Variants in TYW1 observed in about 807,000 individuals in gnomAD.
TYW1 encodes tRNA-yW synthesizing protein 1 homolog, also known as S-adenosyl-L-methionine-dependent tRNA 4-demethylwyosine synthase TYW1.
A neutral mutation model predicts 96.2 loss-of-function variants in TYW1; 46 were observed. The ratio of observed to expected loss-of-function variants is 0.48; its 90% CI spans 0.38 to 0.61. TYW1 has a LOEUF of 0.61. TYW1 is among the 20% of genes least tolerant of loss of function. The probability of loss-of-function intolerance (pLI) is 0.00; values close to 1 mark genes in which losing one functional copy is unlikely to be tolerated. For missense variants in TYW1, 684 were observed against 909.6 expected, an observed-to-expected ratio of 0.75 and a Z score of 3.19; for synonymous variants, 274 against 323.0, an observed-to-expected ratio of 0.85 and a Z score of 1.63.
intron 13 of TYW1, among the ~76,000 whole-genome samples, chr7:67,150,941 A>G (rs969526144): frequency 6.6e-6 from 1 of 152,256 alleles, no homozygotes; most frequent in African/African-American, 2.4e-5. Context: ...TTTCTAACAC[A>G]TTAGTTACCT....
At chr7:67,020,601 C>CTGCTTTCATAAAAACTTCAT (rs1794218547) in intron 6 of TYW1, among the ~76,000 whole-genome samples, 1 of 17,226 alleles carries the variant, frequency 5.8e-5, no homozygotes, top group African/African-American at 1.2e-4. Flanking sequence ...TTTTTCATTG[C>CTGCTTTCATAAAAACTTCAT]TGCTGCTTTC....
At chr7:67,036,441 A>G (rs1438068395) in intron 7 of TYW1, among the ~76,000 whole-genome samples, 2 of 152,236 alleles carry the variant, frequency 1.3e-5, no homozygotes, top group Non-Finnish European at 2.9e-5. Flanking sequence ...TCCATAGTCC[A>G]TGAAACAAAA....
In TYW1 at chr7:67,086,699, G is replaced by A. The variant is rs142648468; in HGVS notation, c.1384+3160G>A. ...TTAAAGCCTTCAAATGATTGGATGA[G>A]GTCCATCCACATTATGACGGGCAAT... On this transcript the variant is annotated intron_variant, in intron 11 of 15. Transcript: ENST00000359626. Among the ~76,000 whole-genome samples, 569 of 152,182 alleles carry A rather than the reference G, an allele frequency of 3.7e-3. 2 individuals are homozygous for A. Among genetic ancestry groups the A allele is most frequent in the African/African-American group, 0.013 (543 of 41,504 alleles).
intron 13 of TYW1, among the ~76,000 whole-genome samples, chr7:67,148,671 T>C (rs997603233): frequency 1.3e-5 from 2 of 152,080 alleles, no homozygotes; most frequent in African/African-American, 4.8e-5. Flanking sequence ...GACCTCGTTA[T>C]CCGCCCACCT....
Position 66,998,157 on chromosome 7 carries a change from A to G in TYW1, c.97A>G (p.Ser33Gly), listed in dbSNP as rs1562958343. ...TTATTTGGGCTTTGCTGTTAGCATT[A>G]GCCTTTGGATTTGTGTCCAGATTGT... Reference protein sequence around the residue: ...YIYLGFAVSISLWICVQIVIK... With the variant: ...YIYLGFAVSIGLWICVQIVIK... The change falls in exon 2 of 16, where the codon AGC becomes GGC. Residue 33 changes from serine (S) to glycine (G), a missense_variant. Ser to Gly is a moderately conservative substitution (Grantham distance 56). Transcript: ENST00000359626. 6.2e-7 allele frequency: 1 copy of G among 1,612,088 alleles called. No homozygotes were observed. Among genetic ancestry groups the G allele is most frequent in the Admixed American group, 1.7e-5 (1 of 59,522 alleles).
At chr7:67,237,282 C>T (rs527260508) in intron 15 of TYW1, among the ~76,000 whole-genome samples, 12 of 151,980 alleles carry the variant, frequency 7.9e-5, no homozygotes, top group Non-Finnish European at 1.5e-4. Flanking sequence ...CGGTGGATCA[C>T]GAGGTTAGGA....
chr7:67,017,575 T>C (rs924971641), intron 5 of TYW1, among the ~76,000 whole-genome samples: 7 of 152,252 alleles, frequency 4.6e-5, no homozygotes, highest in Non-Finnish European at 1.0e-4. Context: ...TCAAATTTTT[T>C]TTTTTAGTCA....
At chr7:67,091,038 A>G (rs1461494159) in intron 11 of TYW1, among the ~76,000 whole-genome samples, 2 of 152,184 alleles carry the variant, frequency 1.3e-5, no homozygotes, top group African/African-American at 4.8e-5. Flanking sequence ...TAGAAATACC[A>G]TTTGACCCAG....
intron 13 of TYW1, among the ~76,000 whole-genome samples, chr7:67,134,327 G>A (rs560003756): frequency 3.0e-4 from 46 of 152,104 alleles, no homozygotes; most frequent in Non-Finnish European, 5.3e-4. Flanking sequence ...TGGATCACTC[G>A]AGGTCAGGAG....
chr7:67,046,264 G>A (rs1001912446), intron 7 of TYW1, among the ~76,000 whole-genome samples: 2 of 152,072 alleles, frequency 1.3e-5, no homozygotes, highest in Non-Finnish European at 2.9e-5. Context: ...CCTGATCCGA[G>A]CCCTTTGGTT....
At chr7:67,200,068 A>G (rs117615768) in intron 15 of TYW1, among the ~76,000 whole-genome samples, 2,011 of 152,308 alleles carry the variant, frequency 0.013, 23 homozygotes, top group Non-Finnish European at 0.021. Context: ...CCCACCCACA[A>G]GGAGCTCGCG....
intron 10 of TYW1, among the ~76,000 whole-genome samples, chr7:67,069,901 GT>G (rs1677967784): frequency 6.6e-6 from 1 of 152,168 alleles, no homozygotes; most frequent in Admixed American, 6.5e-5. Context: ...ACTCCCTTTA[GT>G]ATTTATCGTA....
intron 13 of TYW1, among the ~76,000 whole-genome samples, chr7:67,128,348 TTAGAGTGTTTTAGAGC>T (rs1797965096): frequency 6.6e-6 from 1 of 152,190 alleles, no homozygotes; most frequent in South Asian, 2.1e-4. Context: ...ATTTCCAAAG[TTAGAGTGTTTTAGAGC>T]TCCAGCATTT....
chr7:67,073,358 G>A (rs192174870), intron 10 of TYW1, among the ~76,000 whole-genome samples: 4 of 152,218 alleles, frequency 2.6e-5, no homozygotes, highest in Admixed American at 6.5e-5. Flanking sequence ...ACAGTGCTCC[G>A]CAACAAAGGA....
intron 11 of TYW1, chr7:67,089,366 G>C: frequency 8.1e-7 from 1 of 1,229,372 alleles, no homozygotes; most frequent in Non-Finnish European, 1.2e-6. Context: ...CCAAGGCTTA[G>C]GTATCCAGTG....
rs188067156 is a variant in TYW1, at chr7:67,108,809, A to G, written c.1563-8674A>G. 6.6e-4 allele frequency among the ~76,000 whole-genome samples: 100 copies of G among 152,214 alleles called. 1 individual carries two copies. Among genetic ancestry groups the G allele is most frequent in the African/African-American group, 2.3e-3 (97 of 41,530 alleles). On this transcript the variant is annotated intron_variant, in intron 12 of 15. Coordinates refer to ENST00000359626, the MANE Select transcript of TYW1 (RefSeq NM_018264.4). ...AAAATTACCAAATGGCCATTTGCTG[A>G]ACATTATAGACATTTCAAAACAGGG...
At chr7:67,050,562 C>G (rs1795321830) in intron 8 of TYW1, among the ~76,000 whole-genome samples, 1 of 152,128 alleles carries the variant, frequency 6.6e-6, no homozygotes, top group South Asian at 2.1e-4. Context: ...TTATGAGAGG[C>G]CTTTTATGTG....
chr7:67,173,791 G>A (rs1799584374), intron 13 of TYW1, among the ~76,000 whole-genome samples: 1 of 146,088 alleles, frequency 6.8e-6, no homozygotes, highest in South Asian at 2.2e-4. Context: ...TCCTTATTAA[G>A]TTGAGAAAAT....
chr7:67,173,772 T>C (rs1799583367), intron 13 of TYW1, among the ~76,000 whole-genome samples: 1 of 147,774 alleles, frequency 6.8e-6, no homozygotes, highest in African/African-American at 2.6e-5. Flanking sequence ...TGTAGGTTTT[T>C]TGTAGATATC....
Sources: gnomAD v4.1 joint callset for allele counts (sites outside exome capture counted in the v4.1 genomes callset) on GRCh38, gnomAD v4.1.1 for gene constraint, MANE v1.5 for transcripts, NCBI Gene and HGNC (gene_info 2026-07-23, HGNC 2026-07-21) for gene names.